The following TULP4 variants were observed in gnomAD, a reference collection of about 807,000 sequenced individuals.
The protein encoded by TULP4 is tubby-related protein 4.
In TULP4, 16 loss-of-function variants were observed where a neutral mutation model predicts 129.0. That is an observed-to-expected ratio of 0.12 (90% CI 0.08 to 0.19). TULP4 has a LOEUF of 0.19. Ranked by LOEUF, TULP4 falls within the 10% of genes least tolerant of loss-of-function variation. TULP4 has a pLI of 1.00. For missense variants in TULP4, 1,842 were observed against 2,059.1 expected, an observed-to-expected ratio of 0.89 and a Z score of 2.04; for synonymous variants, 998 against 854.0, an observed-to-expected ratio of 1.17 and a Z score of -2.94.
intron 2 of TULP4, among the ~76,000 whole-genome samples, chr6:158,418,270 C>T (rs917969214): frequency 1.4e-4 from 22 of 151,772 alleles, no homozygotes; most frequent in Admixed American, 1.3e-4. Context: ...CCACACCCGG[C>T]TATTTTTTTA....
chr6:158,380,696 C>G (rs1472154284), intron 1 of TULP4, among the ~76,000 whole-genome samples: 1 of 151,518 alleles, frequency 6.6e-6, no homozygotes, highest in Non-Finnish European at 1.5e-5. Flanking sequence ...GAGTTCGAGA[C>G]CAGCCTGGCC....
At chr6:158,288,609 T>G (rs1306031842) in intron 1 of TULP4, among the ~76,000 whole-genome samples, 1 of 152,080 alleles carries the variant, frequency 6.6e-6, no homozygotes, top group Non-Finnish European at 1.5e-5. Context: ...CACGCCATTC[T>G]CCTGCCTCAG....
intron 2 of TULP4, among the ~76,000 whole-genome samples, chr6:158,414,861 C>A (rs1345930290): frequency 1.3e-5 from 2 of 152,136 alleles, no homozygotes; most frequent in African/African-American, 2.4e-5. Flanking sequence ...CTCCAGGAAC[C>A]CTGTTCCAAA....
At chr6:158,491,390 G>GTTCGTTCTTTCTTTCT (rs1780194190) in intron 9 of TULP4, among the ~76,000 whole-genome samples, 2 of 146,768 alleles carry the variant, frequency 1.4e-5, no homozygotes, top group Non-Finnish European at 3.0e-5. Flanking sequence ...AGTTATAAGA[G>GTTCGTTCTTTCTTTCT]TTCTTTCTTT....
At chr6:158,347,172 T>C (rs529405813) in intron 1 of TULP4, among the ~76,000 whole-genome samples, 1 of 152,374 alleles carries the variant, frequency 6.6e-6, no homozygotes, top group Non-Finnish European at 1.5e-5. Context: ...TTCTGAATTA[T>C]TAATGAAAGA....
chr6:158,300,859 A>G (rs944704826), intron 1 of TULP4, among the ~76,000 whole-genome samples: 7 of 152,236 alleles, frequency 4.6e-5, no homozygotes, highest in African/African-American at 1.7e-4. Context: ...GTGGTGGACA[A>G]TAAGCTTAGC....
intron 1 of TULP4, among the ~76,000 whole-genome samples, chr6:158,361,416 G>T (rs1780786169): frequency 6.6e-6 from 1 of 152,168 alleles, no homozygotes; most frequent in African/African-American, 2.4e-5. Context: ...GCAATGTGTT[G>T]TCCCTTATAA....
At chr6:158,439,746 C>G (rs1429795589) in intron 3 of TULP4, among the ~76,000 whole-genome samples, 4 of 105,052 alleles carry the variant, frequency 3.8e-5, no homozygotes, top group African/African-American at 1.5e-4. Context: ...GAGTCTTGCT[C>G]TGTTGCCCAG....
chr6:158,365,559 C>G (rs936399930), intron 1 of TULP4, among the ~76,000 whole-genome samples: 55 of 151,360 alleles, frequency 3.6e-4, no homozygotes, highest in African/African-American at 1.3e-3. Context: ...TCACTGCAAG[C>G]TCCGCCTCGC....
intron 1 of TULP4, among the ~76,000 whole-genome samples, chr6:158,343,131 G>A (rs1479942214): frequency 6.6e-6 from 1 of 152,010 alleles, no homozygotes; most frequent in East Asian, 1.9e-4. Flanking sequence ...CATGCTTGGA[G>A]CCCTGTGTGA....
rs141287460 is a variant in TULP4 at position 158,495,961 on chromosome 6, A to C, written c.1870+1115A>C. 8.3e-4 allele frequency among the ~76,000 whole-genome samples: 126 copies of C among 152,298 alleles called. 3 individuals are homozygous for C. The East Asian group carries it at 0.02, about 24-fold the overall frequency. ...CATGGCAAGTTTGAAACAGAGGAAA[A>C]CTGAGCCAAGGGAGTAAAAGCCAGG... On this transcript the variant is annotated intron_variant, in intron 11 of 13. Coordinates refer to ENST00000367097, the MANE Select transcript of TULP4 (RefSeq NM_020245.5).
intron 6 of TULP4, among the ~76,000 whole-genome samples, 153 bp downstream of exon 6, chr6:158,461,882 T>C (rs1182349701): frequency 6.6e-6 from 1 of 152,242 alleles, no homozygotes; most frequent in Non-Finnish European, 1.5e-5. Flanking sequence ...AGTTTTTGCC[T>C]TTTAACCAGA....
chr6:158,342,946 A>AGTGTGTGT (rs1780214039), intron 1 of TULP4, among the ~76,000 whole-genome samples: 1 of 64,086 alleles, frequency 1.6e-5, no homozygotes, highest in Non-Finnish European at 3.0e-5. Context: ...ATTAAAAATA[A>AGTGTGTGT]ATGTGTGTGT....
intron 1 of TULP4, among the ~76,000 whole-genome samples, chr6:158,360,775 C>G (rs941274414): frequency 1.3e-5 from 2 of 152,156 alleles, no homozygotes; most frequent in African/African-American, 4.8e-5. Context: ...AAACCCTACC[C>G]AATAAAGAGG....
intron 1 of TULP4, among the ~76,000 whole-genome samples, chr6:158,264,238 A>G (rs1172953213): frequency 7.9e-5 from 12 of 152,296 alleles, no homozygotes; most frequent in Admixed American, 7.2e-4. Flanking sequence ...GAGCCCATTC[A>G]GAGGTTTTTA....
intron 1 of TULP4, among the ~76,000 whole-genome samples, chr6:158,260,265 T>G (rs1778327120): frequency 6.6e-6 from 1 of 152,180 alleles, no homozygotes; most frequent in Non-Finnish European, 1.5e-5. Context: ...TTTTCGGAGT[T>G]CTGTGCCAGG....
chr6:158,373,570 C>T (rs1777117853), intron 1 of TULP4, among the ~76,000 whole-genome samples: 1 of 152,152 alleles, frequency 6.6e-6, no homozygotes. Flanking sequence ...TTTATCTCCA[C>T]GTGGTAATAC....
intron 11 of TULP4, among the ~76,000 whole-genome samples, chr6:158,497,696 A>G (rs1165907883): frequency 6.6e-6 from 1 of 152,216 alleles, no homozygotes; most frequent in East Asian, 1.9e-4. Flanking sequence ...TTTGTGGACA[A>G]GAGAGAGAAA....
rs771695589 is a variant in TULP4, at chr6:158,479,768, C to T, written c.1044C>T (p.Ile348=). Residue 348 remains isoleucine, a synonymous_variant, in exon 7 of 14, where the codon ATC becomes ATT. Transcript: ENST00000367097. ...DTLVQRPIIS[I]CWGHRDSRLL... is the part of the protein sequence containing the mutation. ...CCTGCCAGCGCCCCATCATCTCCATCTGCTGGGGTCACCGGGATTCGAGGC... is the reference window on the plus strand; with the variant it reads ...CCTGCCAGCGCCCCATCATCTCCATTTGCTGGGGTCACCGGGATTCGAGGC... 1 of 1,613,714 alleles carries T rather than the reference C, an allele frequency of 6.2e-7. No individual in the cohort carries two copies. The highest frequency in any genetic ancestry group is 1.3e-5 in the African/African-American group (1 of 74,946).
Sources: allele counts gnomAD v4.1 joint callset (sites outside exome capture counted in the v4.1 genomes callset), GRCh38; gene constraint gnomAD v4.1.1; transcripts MANE v1.5; gene names NCBI Gene and HGNC (gene_info 2026-07-23, HGNC 2026-07-21).